GTF2E2: variants seen among roughly 807,000 people sequenced by gnomAD.
GTF2E2 encodes general transcription factor IIE subunit 2, also known as transcription initiation factor IIE subunit beta.
In GTF2E2, 21 loss-of-function variants were observed where a neutral mutation model predicts 40.5. The ratio of observed to expected loss-of-function variants is 0.52; its 90% CI spans 0.37 to 0.75. The LOEUF is 0.75. Ranked by LOEUF, GTF2E2 falls within the 30% of genes least tolerant of loss-of-function variation. The pLI, the probability that GTF2E2 is intolerant of heterozygous loss-of-function variation, is 0.00. For missense variants in GTF2E2, 298 were observed against 338.4 expected (o/e 0.88, Z 0.94); for synonymous variants, 117 against 121.6 (o/e 0.96, Z 0.25).
chr8:30,614,691 G>A lies in GTF2E2; in HGVS notation c.283C>T (p.His95Tyr), dbSNP rs1220007935. Residue 95 changes from histidine (H) to tyrosine (Y), a missense_variant, in exon 4 of 8, where the codon CAT becomes TAT. Coordinates refer to ENST00000355904, the MANE Select transcript of GTF2E2 (RefSeq NM_002095.6). Reference protein sequence around the residue: ...MKTRHQRGDTHPLTLDEILDE... With the variant: ...MKTRHQRGDTYPLTLDEILDE... The stretch of plus-strand genomic sequence containing the variant: ...AAAATTTCATCTAAGGTTAGAGGAT[G>A]CGTATCTCCTCGCTGATGCCGTGTC... 10 of 1,604,850 alleles carry A rather than the reference G, an allele frequency of 6.2e-6. No individual in the cohort carries two copies. The highest frequency in any genetic ancestry group is 8.5e-6 in the Non-Finnish European group (10 of 1,172,370).
At chr8:30,605,899 G>A (rs1037874203) in intron 6 of GTF2E2, among the ~76,000 whole-genome samples, 3 of 152,144 alleles carry the variant, frequency 2.0e-5, no homozygotes, top group African/African-American at 7.2e-5. Flanking sequence ...AGCCTGAAGC[G>A]ATCCTCCCAC....
At chr8:30,622,933 T>C (rs1484403313) in intron 3 of GTF2E2, among the ~76,000 whole-genome samples, 1 of 152,108 alleles carries the variant, frequency 6.6e-6, no homozygotes, top group Non-Finnish European at 1.5e-5. Context: ...CAAACACACA[T>C]GCTCTACAAT....
At chr8:30,616,740 G>T (rs955302369) in intron 3 of GTF2E2, among the ~76,000 whole-genome samples, 2 of 152,066 alleles carry the variant, frequency 1.3e-5, no homozygotes, top group African/African-American at 4.8e-5. Context: ...GCTGTGGGGG[G>T]ATGGGCAGGG....
intron 3 of GTF2E2, among the ~76,000 whole-genome samples, chr8:30,621,610 T>C (rs979941470): frequency 6.6e-6 from 1 of 152,146 alleles, no homozygotes; most frequent in Non-Finnish European, 1.5e-5. Context: ...TGACTTTTGG[T>C]GTGCTGCCTT....
At chr8:30,623,989 T>C (rs1440813756) in intron 3 of GTF2E2, among the ~76,000 whole-genome samples, 1 of 152,126 alleles carries the variant, frequency 6.6e-6, no homozygotes, top group African/African-American at 2.4e-5. Context: ...GTAGTTTCTT[T>C]TGCTGTGCAG....
intron 3 of GTF2E2, among the ~76,000 whole-genome samples, chr8:30,633,207 G>A (rs1801492277): frequency 6.6e-6 from 1 of 151,812 alleles, no homozygotes; most frequent in Non-Finnish European, 1.5e-5. Flanking sequence ...ATATTATTGT[G>A]GCAGAAAAGT....
chr8:30,646,632 T>A (rs73578117), intron 2 of GTF2E2, among the ~76,000 whole-genome samples: 3 of 152,008 alleles, frequency 2.0e-5, no homozygotes, highest in African/African-American at 7.2e-5. Flanking sequence ...TAACAAAAAA[T>A]TGAAAATAAC....
At chr8:30,651,123 C>T (rs1207785875) in intron 2 of GTF2E2, among the ~76,000 whole-genome samples, 1 of 151,940 alleles carries the variant, frequency 6.6e-6, no homozygotes, top group South Asian at 2.1e-4. Context: ...AGTGAAAAAC[C>T]GAATGCTTTG....
chr8:30,619,940 G>C (rs1305285813), intron 3 of GTF2E2, among the ~76,000 whole-genome samples: 3 of 151,952 alleles, frequency 2.0e-5, no homozygotes, highest in Admixed American at 6.6e-5. Flanking sequence ...TCCCTTAAAA[G>C]GGAAAGAGGG....
chr8:30,629,202 T>G lies in GTF2E2; in HGVS notation c.258+5830A>C, dbSNP rs1801367979. Reference sequence around the variant, plus strand: ...AGATATTGTCATATAATTTAAATACTTTTATTTAAAACTGGAAATAGATCC... The same window carrying G: ...AGATATTGTCATATAATTTAAATACGTTTATTTAAAACTGGAAATAGATCC... On this transcript the variant is annotated intron_variant, in intron 3 of 7. Transcript: ENST00000355904. Among the ~76,000 whole-genome samples the G allele has an allele frequency of 2.6e-5, 4 of 152,332 alleles. No homozygotes were observed. In the South Asian group the frequency reaches 8.3e-4, roughly 32 times the overall value.
At chr8:30,628,990 T>C (rs1801362615) in intron 3 of GTF2E2, among the ~76,000 whole-genome samples, 1 of 152,098 alleles carries the variant, frequency 6.6e-6, no homozygotes, top group Non-Finnish European at 1.5e-5. Flanking sequence ...GAGATCATGA[T>C]TTTTCTTTAT....
chr8:30,645,639 C>A, intron 2 of GTF2E2: 1 of 1,487,196 alleles, frequency 6.7e-7, no homozygotes, highest in South Asian at 1.3e-5. Context: ...AGCAGCTCAA[C>A]CTCTTCTGAG....
chr8:30,650,476 AGCGGGGAGTTTGAGACCCACCTGG>A (rs1381316159), intron 2 of GTF2E2, among the ~76,000 whole-genome samples: 1 of 147,444 alleles, frequency 6.8e-6, no homozygotes, highest in Non-Finnish European at 1.5e-5. Context: ...GATCCCTTGA[AGCGGGGAGTTTGAGACCCACCTGG>A]GCAACAAAGT....
intron 3 of GTF2E2, among the ~76,000 whole-genome samples, chr8:30,615,338 A>T (rs1399014456): frequency 6.6e-6 from 1 of 152,154 alleles, no homozygotes; most frequent in Non-Finnish European, 1.5e-5. Flanking sequence ...GATTGCAAAA[A>T]ATGACCTTAA....
intron 2 of GTF2E2, chr8:30,645,393 T>C: frequency 3.3e-6 from 5 of 1,535,706 alleles, no homozygotes; most frequent in Non-Finnish European, 4.4e-6. Flanking sequence ...ACCCTTTCCA[T>C]GACAACTGGA....
intron 6 of GTF2E2, among the ~76,000 whole-genome samples, chr8:30,590,866 T>A (rs989273174): frequency 4.6e-5 from 7 of 151,390 alleles, no homozygotes; most frequent in African/African-American, 1.7e-4. Context: ...GATTTTTGTA[T>A]TTTTAGTAGA....
chr8:30,612,541 T>A (rs1829507481), intron 4 of GTF2E2, 60 bp from the exon 5 acceptor site: 15 of 990,862 alleles, frequency 1.5e-5, no homozygotes, highest in South Asian at 4.0e-5. Context: ...ATATATATAT[T>A]TTTGAAACGT....
chr8:30,635,014 T>A lies in GTF2E2; in HGVS notation c.258+18A>T. The A allele has an allele frequency of 7.2e-7, 1 of 1,379,422 alleles. No individual in the cohort carries two copies. Among genetic ancestry groups the A allele is most frequent in the Non-Finnish European group, 1.0e-6 (1 of 977,674 alleles). 85.4% of individuals were successfully genotyped at this position (1,379,422 alleles called of 1,614,324 possible). A position where few individuals can be genotyped will look rare whatever the true frequency, so the allele number is the denominator to read the frequency against. ...AAAAAGTTAAATAGGACTTTTGCTATCTGAGAAAAGTACTTACCTTCATGT... is the reference window on the plus strand; with the variant it reads ...AAAAAGTTAAATAGGACTTTTGCTAACTGAGAAAAGTACTTACCTTCATGT... On this transcript the variant is annotated intron_variant, in intron 3 of 7. Transcript: ENST00000355904.
At chr8:30,644,758 T>G (rs998536216) in intron 2 of GTF2E2, among the ~76,000 whole-genome samples, 2 of 152,030 alleles carry the variant, frequency 1.3e-5, no homozygotes, top group African/African-American at 2.4e-5. Context: ...GAATTTTTTT[T>G]TTTTTTTTTG....
Sources: gnomAD v4.1 joint callset for allele counts (sites outside exome capture counted in the v4.1 genomes callset) on GRCh38, gnomAD v4.1.1 for gene constraint, MANE v1.5 for transcripts, NCBI Gene and HGNC (gene_info 2026-07-23, HGNC 2026-07-21) for gene names.